DAB1: variants seen among roughly 807,000 people sequenced by gnomAD.
DAB1 encodes the protein disabled homolog 1.
DAB1 carries 15 observed loss-of-function variants against 64.6 expected under a neutral mutation model. The ratio of observed to expected loss-of-function variants is 0.23; its 90% confidence interval spans 0.16 to 0.36. The LOEUF (loss-of-function observed/expected upper bound fraction) is 0.36, where lower values mean the gene tolerates loss of function less well. Among genes scored for constraint, DAB1 ranks in the 10% least tolerant of loss-of-function variants. The pLI, the probability that DAB1 is intolerant of heterozygous loss-of-function variation, is 1.00. For missense variants in DAB1, 596 were observed against 706.7 expected (o/e 0.84, Z 1.78); for synonymous variants, 235 against 251.9 (o/e 0.93, Z 0.64).
intron 3 of DAB1, among the ~76,000 whole-genome samples, chr1:57,138,435 AGT>A (rs1658312949): frequency 6.6e-6 from 1 of 152,086 alleles, no homozygotes; most frequent in Admixed American, 6.6e-5. Flanking sequence ...AGGGAGCCTA[AGT>A]CTCTCTCCCT....
In DAB1 at chr1:57,553,412, AAG is replaced by A. The variant is rs1309965225; in HGVS notation, n.625+96178_625+96179del. ...AAAGAAAGAAAGAAAGAAAGAAAGA[AAG>A]AAAGAAAGAAAGAAAGAAAGAAAGA... On this transcript the variant is annotated intron_variant and non_coding_transcript_variant, in intron 7 of 20. Transcript: ENST00000485760. Among the ~76,000 whole-genome samples, 22 of 14,060 alleles carry A rather than the reference AAG, an allele frequency of 1.6e-3. No individual in the cohort carries two copies. In the East Asian group the frequency reaches 0.14, roughly 89 times the overall value. 9.2% of individuals were successfully genotyped at this position (14,060 alleles called of 152,430 possible).
intron 5 of DAB1, among the ~76,000 whole-genome samples, chr1:57,908,572 C>T (rs1644592904): frequency 1.3e-5 from 2 of 151,978 alleles, no homozygotes; most frequent in African/African-American, 4.8e-5. Context: ...GACACAGGCA[C>T]AATCCTGCCT....
chr1:57,386,120 G>A (rs1184237068), intron 1 of DAB1, among the ~76,000 whole-genome samples: 2 of 152,142 alleles, frequency 1.3e-5, no homozygotes, highest in Admixed American at 6.5e-5. Flanking sequence ...TTGGGGTTAG[G>A]TGAGTTAAGG....
intron 7 of DAB1, among the ~76,000 whole-genome samples, chr1:57,439,574 G>A (rs1001399781): frequency 2.0e-5 from 3 of 148,592 alleles, no homozygotes; most frequent in African/African-American, 5.0e-5. Flanking sequence ...GACTACAGGC[G>A]CCCGCCACCG....
chr1:57,319,851 C>T (rs758938819), intron 1 of DAB1, among the ~76,000 whole-genome samples: 2 of 152,132 alleles, frequency 1.3e-5, no homozygotes, highest in African/African-American at 4.8e-5. Flanking sequence ...GAAACCTCTT[C>T]TTATCATCCT....
intron 4 of DAB1, among the ~76,000 whole-genome samples, chr1:58,195,592 TGGG>T (rs1447264845): frequency 6.6e-6 from 1 of 152,218 alleles, no homozygotes; most frequent in Non-Finnish European, 1.5e-5. Context: ...AGGTAATTTG[TGGG>T]ACACTAGCAT....
At position 58,033,818 on chromosome 1, in the gene DAB1, CT is replaced by C. The variant is rs980225055; in HGVS notation, n.387+116692del. 7.3e-5 allele frequency among the ~76,000 whole-genome samples: 11 copies of C among 151,424 alleles called. 1 individual carries two copies. Among genetic ancestry groups the C allele is most frequent in the Middle Eastern group, 6.9e-3 (2 of 290 alleles). On this transcript the variant is annotated intron_variant and non_coding_transcript_variant, in intron 5 of 20. Transcript: ENST00000485760. Reference sequence around the variant, plus strand: ...ATTGTTCCTCTACACTTAGAATCATCTTTTTTTTTAGGTTATCTAAATTGCA... The same window carrying C: ...ATTGTTCCTCTACACTTAGAATCATCTTTTTTTTAGGTTATCTAAATTGCA...
intron 1 of DAB1, among the ~76,000 whole-genome samples, chr1:57,340,094 T>C (rs186654366): frequency 1.7e-3 from 259 of 152,282 alleles, no homozygotes; most frequent in Middle Eastern, 0.01. Flanking sequence ...CTCTTCAAGT[T>C]ACCCCAACTA....
chr1:57,879,895 T>C (rs1004077744), intron 1 of DAB1, among the ~76,000 whole-genome samples: 2 of 152,184 alleles, frequency 1.3e-5, no homozygotes, highest in African/African-American at 2.4e-5. Context: ...ACAGCCCTTC[T>C]GAACAGAGGC....
intron 2 of DAB1, among the ~76,000 whole-genome samples, chr1:57,200,123 TC>T (rs1275748230): frequency 6.6e-6 from 1 of 152,198 alleles, no homozygotes; most frequent in Admixed American, 6.5e-5. Context: ...CTGTATACTG[TC>T]CCCTCACTGG....
chr1:58,406,888 A>G (rs1301346573), intron 3 of DAB1, among the ~76,000 whole-genome samples: 1 of 152,052 alleles, frequency 6.6e-6, no homozygotes, highest in African/African-American at 2.4e-5. Flanking sequence ...ACCTCTCTGG[A>G]CCGTCTCAGC....
chr1:57,798,688 A>G (rs1650985249), intron 6 of DAB1, among the ~76,000 whole-genome samples: 1 of 152,112 alleles, frequency 6.6e-6, no homozygotes, highest in African/African-American at 2.4e-5. Flanking sequence ...ATGCAGGGAG[A>G]TGGGAAATGT....
chr1:57,750,114 T>C (rs1308916222), intron 6 of DAB1, among the ~76,000 whole-genome samples: 1 of 152,200 alleles, frequency 6.6e-6, no homozygotes, highest in East Asian at 1.9e-4. Flanking sequence ...TTCTCTCCTT[T>C]GTTGCTGGGC....
chr1:57,142,607 C>CACACACACACACACACACACACACAT (rs1557797267), intron 3 of DAB1, among the ~76,000 whole-genome samples: 2 of 148,882 alleles, frequency 1.3e-5, no homozygotes, highest in Non-Finnish European at 3.0e-5. Flanking sequence ...GTCACACACA[C>CACACACACACACACACACACACACAT]ACACACACAC....
At chr1:58,531,800 C>T (rs1366763283) in intron 1 of DAB1, among the ~76,000 whole-genome samples, 2 of 152,204 alleles carry the variant, frequency 1.3e-5, no homozygotes, top group East Asian at 3.9e-4. Context: ...ACCTCCGCCT[C>T]CAGGTTCAAA....
chr1:57,670,169 A>T (rs1170770267), intron 6 of DAB1, among the ~76,000 whole-genome samples: 2 of 152,170 alleles, frequency 1.3e-5, no homozygotes, highest in African/African-American at 4.8e-5. Flanking sequence ...AGAGAGGTGC[A>T]GCACTACTTA....
At chr1:57,398,152 G>A (rs1354301428) in intron 1 of DAB1, among the ~76,000 whole-genome samples, 5 of 152,248 alleles carry the variant, frequency 3.3e-5, no homozygotes, top group Middle Eastern at 3.4e-3. Context: ...CAACACTATC[G>A]AGTGCACCCT....
At chr1:57,788,429 G>T (rs1650438106) in intron 6 of DAB1, among the ~76,000 whole-genome samples, 1 of 152,154 alleles carries the variant, frequency 6.6e-6, no homozygotes, top group East Asian at 1.9e-4. Context: ...AGACACAAAA[G>T]GCTACATGCT....
chr1:58,310,289 C>CA (rs1445602743), intron 4 of DAB1, among the ~76,000 whole-genome samples: 1 of 151,926 alleles, frequency 6.6e-6, no homozygotes, highest in Non-Finnish European at 1.5e-5. Context: ...ACATATAAAA[C>CA]AAAAAATATT....
Sources: gnomAD v4.1 joint callset for allele counts (sites outside exome capture counted in the v4.1 genomes callset) on GRCh38, gnomAD v4.1.1 for gene constraint, MANE v1.5 for transcripts, NCBI Gene and HGNC (gene_info 2026-07-23, HGNC 2026-07-21) for gene names.